Variants in LRMDA observed in about 807,000 individuals in gnomAD.
The protein encoded by LRMDA is leucine rich melanocyte differentiation associated, also known as leucine-rich melanocyte differentiation-associated protein.
A neutral mutation model predicts 29.8 loss-of-function variants in LRMDA; 18 were observed. The ratio of observed to expected loss-of-function variants is 0.60; its 90% CI spans 0.42 to 0.90. The LOEUF (loss-of-function observed/expected upper bound fraction) is 0.90, where lower values mean the gene tolerates loss of function less well. Among genes scored for constraint, LRMDA ranks in the 40% least tolerant of loss-of-function variants. LRMDA has a pLI of 0.00. For synonymous variants in LRMDA, 125 were observed against 109.4 expected, an observed-to-expected ratio of 1.14 and a Z score of -0.89; for missense variants, 273 against 273.9, an observed-to-expected ratio of 1.00 and a Z score of 0.02.
chr10:76,493,891 T>A (rs1243191308), intron 6 of LRMDA, among the ~76,000 whole-genome samples: 1 of 152,108 alleles, frequency 6.6e-6, no homozygotes, highest in Non-Finnish European at 1.5e-5. Flanking sequence ...GATTTATTTC[T>A]CTCAGCAACA....
chr10:75,831,366 G>A (rs1844341417), intron 2 of LRMDA, among the ~76,000 whole-genome samples: 1 of 152,152 alleles, frequency 6.6e-6, no homozygotes, highest in Non-Finnish European at 1.5e-5. Flanking sequence ...AAATCTTAAA[G>A]CTCCAAAATG....
intron 2 of LRMDA, among the ~76,000 whole-genome samples, chr10:75,723,567 C>T (rs759889313): frequency 2.6e-5 from 4 of 152,166 alleles, no homozygotes; most frequent in Non-Finnish European, 5.9e-5. Context: ...GTCCCCAGTG[C>T]CCAGCTCCAA....
chr10:75,837,947 T>A (rs1844470731), intron 2 of LRMDA, among the ~76,000 whole-genome samples: 1 of 152,186 alleles, frequency 6.6e-6, no homozygotes, highest in Non-Finnish European at 1.5e-5. Flanking sequence ...TGGGTAGACA[T>A]GTCCTAAAGG....
rs142318231 is a variant in LRMDA, at chr10:76,056,350, C to T, written c.399-2316C>T. ...TACCATATGTTCTCACTCTGATTTA[C>T]GAAACTGGTAGCCCAGCCCCTATGC... On this transcript the variant is annotated intron_variant, in intron 4 of 6. Coordinates refer to ENST00000611255, the MANE Select transcript of LRMDA (RefSeq NM_001305581.2). 1.3e-4 allele frequency among the ~76,000 whole-genome samples: 20 copies of T among 152,346 alleles called. 1 individual carries two copies. The East Asian group carries it at 1.9e-3, about 15-fold the overall frequency.
intron 6 of LRMDA, among the ~76,000 whole-genome samples, chr10:76,508,001 A>G (rs868000574): frequency 6.6e-6 from 1 of 152,252 alleles, no homozygotes. Context: ...TTTGAAGAAT[A>G]CTAGCCAATT....
intron 6 of LRMDA, among the ~76,000 whole-genome samples, chr10:76,343,432 G>A (rs186370285): frequency 2.8e-3 from 428 of 152,246 alleles, no homozygotes; most frequent in Non-Finnish European, 4.2e-3. Flanking sequence ...TCATGTCCAA[G>A]TAACATTTAT....
At chr10:75,783,598 T>C (rs1843421660) in intron 2 of LRMDA, among the ~76,000 whole-genome samples, 1 of 152,164 alleles carries the variant, frequency 6.6e-6, no homozygotes, top group East Asian at 1.9e-4. Context: ...GGCTTAGGCT[T>C]GAATCCACGT....
chr10:75,671,292 G>T (rs11001458), intron 2 of LRMDA, among the ~76,000 whole-genome samples: 19,427 of 152,124 alleles, frequency 0.13, 2,914 homozygotes, highest in African/African-American at 0.35. Context: ...TAGTTTTCAG[G>T]ACTGTACTGC....
At chr10:75,877,475 C>T (rs901612860) in intron 2 of LRMDA, among the ~76,000 whole-genome samples, 6 of 152,184 alleles carry the variant, frequency 3.9e-5, no homozygotes, top group Admixed American at 3.9e-4. Flanking sequence ...GTGTGAGCTC[C>T]TGGGTGGCAT....
intron 2 of LRMDA, among the ~76,000 whole-genome samples, chr10:75,814,650 C>A (rs1250818271): frequency 2.0e-5 from 3 of 152,126 alleles, no homozygotes; most frequent in Non-Finnish European, 4.4e-5. Flanking sequence ...GTTGACACAA[C>A]CAGATCAAAA....
intron 5 of LRMDA, among the ~76,000 whole-genome samples, chr10:76,215,355 C>T (rs977248817): frequency 3.3e-5 from 5 of 152,114 alleles, no homozygotes; most frequent in Non-Finnish European, 5.9e-5. Flanking sequence ...ATGCAAGGCA[C>T]GTGTTCAGCT....
intron 6 of LRMDA, among the ~76,000 whole-genome samples, chr10:76,549,037 A>G (rs1254950479): frequency 6.6e-6 from 1 of 152,148 alleles, no homozygotes; most frequent in Non-Finnish European, 1.5e-5. Context: ...TTTTCCACTG[A>G]CAGATTATAT....
In LRMDA at chr10:75,684,251, C is replaced by G. The variant is rs541689640; in HGVS notation, c.131+245757C>G. On this transcript the variant is annotated intron_variant, in intron 2 of 6. Transcript: ENST00000611255. ...GGTCCATGGAGTCTCTTTAAGAAAC[C>G]TTTAAGCTTAGTAGACCCTGTAGGC... is the stretch of plus-strand genomic sequence containing the variant. Among the ~76,000 whole-genome samples the G allele has an allele frequency of 1.6e-4, 24 of 152,284 alleles. No homozygotes were observed. The South Asian group carries it at 4.6e-3, about 29-fold the overall frequency.
chr10:75,982,357 A>G (rs1048199263), intron 2 of LRMDA, among the ~76,000 whole-genome samples: 1 of 152,082 alleles, frequency 6.6e-6, no homozygotes, highest in African/African-American at 2.4e-5. Context: ...CTAGTGGGTG[A>G]TATGGTTGAC....
intron 2 of LRMDA, among the ~76,000 whole-genome samples, chr10:75,644,525 G>T (rs998803437): frequency 7.9e-5 from 12 of 152,294 alleles, no homozygotes; most frequent in Middle Eastern, 6.8e-3. Context: ...TGCCAGCATG[G>T]TGTACCTGGT....
intron 2 of LRMDA, among the ~76,000 whole-genome samples, chr10:75,935,288 G>A (rs556399401): frequency 1.3e-5 from 2 of 152,236 alleles, no homozygotes; most frequent in South Asian, 2.1e-4. Flanking sequence ...CAAATCCCCC[G>A]GATGAACAAT....
chr10:75,550,232 G>C (rs1464400041), intron 2 of LRMDA, among the ~76,000 whole-genome samples: 3 of 152,062 alleles, frequency 2.0e-5, no homozygotes, highest in African/African-American at 7.2e-5. Flanking sequence ...TGTTGTTCAG[G>C]CTTCTATATC....
At chr10:75,583,654 A>G (rs1471774666) in intron 2 of LRMDA, among the ~76,000 whole-genome samples, 2 of 152,016 alleles carry the variant, frequency 1.3e-5, no homozygotes, top group African/African-American at 4.8e-5. Flanking sequence ...TCTAATGCTG[A>G]CCTCACTGCC....
intron 5 of LRMDA, among the ~76,000 whole-genome samples, chr10:76,315,738 C>A (rs1220977730): frequency 6.6e-6 from 1 of 152,160 alleles, no homozygotes; most frequent in African/African-American, 2.4e-5. Context: ...CCAGTGAAAC[C>A]CCACCTTCAA....
Sources: allele counts gnomAD v4.1 joint callset (sites outside exome capture counted in the v4.1 genomes callset), GRCh38; gene constraint gnomAD v4.1.1; transcripts MANE v1.5; gene names NCBI Gene and HGNC (gene_info 2026-07-23, HGNC 2026-07-21).